Variants in STK32B observed in about 807,000 individuals in gnomAD.
STK32B encodes the protein serine/threonine-protein kinase 32B.
A neutral mutation model predicts 52.6 loss-of-function variants in STK32B; 43 were observed. That is an observed-to-expected ratio of 0.82 (90% CI 0.64 to 1.05). STK32B has a LOEUF of 1.05. STK32B is among the 50% of genes least tolerant of loss of function. The pLI is 0.00. For synonymous variants in STK32B, 238 were observed against 204.3 expected (o/e 1.17, Z -1.41); for missense variants, 621 against 534.6 (o/e 1.16, Z -1.59).
intron 11 of STK32B, among the ~76,000 whole-genome samples, chr4:5,497,200 C>T (rs1720345057): frequency 6.6e-6 from 1 of 152,118 alleles, no homozygotes; most frequent in Non-Finnish European, 1.5e-5. Context: ...AGCTGGAATC[C>T]CAGAAAATAT....
chr4:5,168,638 A>G (rs1184234368), intron 3 of STK32B, among the ~76,000 whole-genome samples, 188 bp downstream of exon 3: 1 of 152,230 alleles, frequency 6.6e-6, no homozygotes, highest in African/African-American at 2.4e-5. Flanking sequence ...TTTCATTTTC[A>G]TTTTAATTCT....
chr4:5,246,041 A>G (rs1281114568), intron 3 of STK32B, among the ~76,000 whole-genome samples: 6 of 152,050 alleles, frequency 3.9e-5, no homozygotes, highest in Non-Finnish European at 5.9e-5. Flanking sequence ...GAATCTGACA[A>G]TTATGTGTCT....
chr4:5,316,071 T>C (rs887325193), intron 3 of STK32B, among the ~76,000 whole-genome samples: 1 of 135,644 alleles, frequency 7.4e-6, no homozygotes, highest in East Asian at 2.1e-4. Flanking sequence ...TTAGTTTTGA[T>C]GGAGAATATA....
chr4:5,318,461 AATAG>A (rs1294645047), intron 3 of STK32B, among the ~76,000 whole-genome samples: 2 of 152,224 alleles, frequency 1.3e-5, no homozygotes, highest in South Asian at 2.1e-4. Flanking sequence ...AGCCAAAATA[AATAG>A]ATTGAGAAAA....
At chr4:5,231,548 G>A (rs1318833355) in intron 3 of STK32B, among the ~76,000 whole-genome samples, 1 of 152,182 alleles carries the variant, frequency 6.6e-6, no homozygotes, top group East Asian at 1.9e-4. Context: ...GGAGGCAGAG[G>A]TTGCAGTGAG....
intron 4 of STK32B, among the ~76,000 whole-genome samples, chr4:5,374,487 T>C (rs1735452867): frequency 6.6e-6 from 1 of 152,204 alleles, no homozygotes; most frequent in Non-Finnish European, 1.5e-5. Context: ...TGTGACACAA[T>C]ACCTTAGACT....
chr4:5,027,887 G>C, the STK32B span, among the ~76,000 whole-genome samples: 1 of 152,176 alleles, frequency 6.6e-6, no homozygotes, highest in East Asian at 1.9e-4. Flanking sequence ...AAGCAGAGCT[G>C]GGAGATGGAT....
intron 1 of STK32B, among the ~76,000 whole-genome samples, chr4:5,076,891 T>G (rs1712110787): frequency 6.6e-6 from 1 of 152,152 alleles, no homozygotes; most frequent in Admixed American, 6.6e-5. Context: ...TTGTAAAATT[T>G]TACTAGGCAG....
intron 3 of STK32B, among the ~76,000 whole-genome samples, chr4:5,315,953 C>T (rs34781748): frequency 0.12 from 17,505 of 150,166 alleles, 2,582 homozygotes; most frequent in African/African-American, 0.35. Context: ...GATCTGCCTG[C>T]CTCGGCCTCC....
At chr4:5,067,484 T>G (rs1168897892) in intron 1 of STK32B, among the ~76,000 whole-genome samples, 1 of 152,154 alleles carries the variant, frequency 6.6e-6, no homozygotes, top group East Asian at 1.9e-4. Flanking sequence ...AGTATCAGAA[T>G]AGACTAAGGA....
intron 3 of STK32B, among the ~76,000 whole-genome samples, chr4:5,207,450 A>G (rs1297100511): frequency 1.3e-5 from 2 of 151,982 alleles, no homozygotes; most frequent in Non-Finnish European, 2.9e-5. Context: ...GTAAGACGTG[A>G]CTTTGCTCCT....
rs1206027438 is a variant in STK32B at position 5,467,645 on chromosome 4, C to T, written c.1042-361C>T. Among the ~76,000 whole-genome samples the T allele has an allele frequency of 6.6e-6, 1 of 152,174 alleles. No homozygotes were observed. Among genetic ancestry groups the T allele is most frequent in the Admixed American group, 6.5e-5 (1 of 15,274 alleles). The stretch of plus-strand genomic sequence containing the variant: ...AATTCAACACACAACACCCCCCTCC[C>T]CTATGCAAGTGGAGCCCCTGGCATC... On this transcript the variant is annotated intron_variant, in intron 10 of 11. Transcript: ENST00000282908. This position sits in a 1 kb window ranked among gnomAD's most constrained non-coding sequence, Gnocchi z 5.8.
intron 1 of STK32B, among the ~76,000 whole-genome samples, chr4:5,053,522 C>T (rs964855873): frequency 6.6e-6 from 1 of 152,158 alleles, no homozygotes; most frequent in Non-Finnish European, 1.5e-5. Flanking sequence ...AAATTTGCCA[C>T]CCTTATATTG....
chr4:5,182,856 A>T (rs1457303558), intron 3 of STK32B, among the ~76,000 whole-genome samples: 1 of 152,202 alleles, frequency 6.6e-6, no homozygotes, highest in African/African-American at 2.4e-5. Flanking sequence ...CATGAAAACA[A>T]CATTCATGTC....
intron 5 of STK32B, among the ~76,000 whole-genome samples, chr4:5,402,357 G>A (rs952731141): frequency 6.6e-6 from 1 of 152,210 alleles, no homozygotes; most frequent in Non-Finnish European, 1.5e-5. Context: ...CATGGGAGGT[G>A]GACTTCCCCA....
At chr4:5,455,421 G>T (rs992600489) in intron 7 of STK32B, among the ~76,000 whole-genome samples, 6 of 152,206 alleles carry the variant, frequency 3.9e-5, no homozygotes, top group African/African-American at 1.4e-4. Context: ...TACATATGCC[G>T]CATGCATAGG....
At chr4:5,498,868 C>T (rs1720498690) in intron 11 of STK32B, 77 bp from the exon 12 acceptor site, 7 of 1,497,526 alleles carry the variant, frequency 4.7e-6, no homozygotes, top group Admixed American at 4.2e-5. Flanking sequence ...AGTTGCCCTG[C>T]CTGCCCAGTG....
chr4:5,278,342 C>G (rs1369579940), intron 3 of STK32B, among the ~76,000 whole-genome samples: 3 of 152,178 alleles, frequency 2.0e-5, no homozygotes, highest in Admixed American at 1.3e-4. Flanking sequence ...GGGGGCAGAT[C>G]AAGGAGCTGA....
At chr4:5,304,167 T>C (rs2108901180) in intron 3 of STK32B, among the ~76,000 whole-genome samples, 1 of 152,210 alleles carries the variant, frequency 6.6e-6, no homozygotes, top group East Asian at 1.9e-4. Flanking sequence ...GCAGGCTCTT[T>C]TTTGATTCCA....
Sources: allele counts gnomAD v4.1 joint callset (sites outside exome capture counted in the v4.1 genomes callset), GRCh38; gene constraint gnomAD v4.1.1; non-coding constraint Gnocchi (gnomAD v3.1); transcripts MANE v1.5; gene names NCBI Gene and HGNC (gene_info 2026-07-23, HGNC 2026-07-21).